Variants in PRKCH observed in about 807,000 individuals in gnomAD.
PRKCH encodes the protein protein kinase C eta, also known as protein kinase C eta type.
PRKCH carries 28 observed loss-of-function variants against 82.5 expected under a neutral mutation model. That is an observed-to-expected ratio of 0.34 (90% confidence interval 0.25 to 0.47). PRKCH has a LOEUF of 0.47. Among genes scored for constraint, PRKCH ranks in the 20% least tolerant of loss-of-function variants. The pLI is 1.00. For synonymous variants in PRKCH, 322 were observed against 327.4 expected (o/e 0.98, Z 0.18); for missense variants, 705 against 881.8 (o/e 0.80, Z 2.54).
chr14:61,386,268 A>G (rs2046585832), intron 1 of PRKCH, among the ~76,000 whole-genome samples: 1 of 152,218 alleles, frequency 6.6e-6, no homozygotes, highest in African/African-American at 2.4e-5. Context: ...TGCTGTGCTA[A>G]AGAATTTGGA....
chr14:61,477,412 T>C (rs185988244), intron 9 of PRKCH, among the ~76,000 whole-genome samples: 6 of 152,380 alleles, frequency 3.9e-5, no homozygotes, highest in Non-Finnish European at 7.3e-5. Flanking sequence ...CCTTGGTTTC[T>C]GGAATGATAC....
chr14:61,459,938 G>A (rs57447735), intron 9 of PRKCH, among the ~76,000 whole-genome samples: 13,013 of 152,210 alleles, frequency 0.085, 1,091 homozygotes, highest in African/African-American at 0.22. Context: ...CAAGCTCCCA[G>A]GCTAAAGCTA....
At chr14:61,450,457 A>T (rs1477702796) in intron 5 of PRKCH, among the ~76,000 whole-genome samples, 1 of 152,226 alleles carries the variant, frequency 6.6e-6, no homozygotes, top group Non-Finnish European at 1.5e-5. Flanking sequence ...ACTTACAGTG[A>T]TAGCAAGTAT....
intron 1 of PRKCH, among the ~76,000 whole-genome samples, chr14:61,308,670 C>G: frequency 6.6e-6 from 1 of 152,104 alleles, no homozygotes; most frequent in Admixed American, 6.6e-5. Flanking sequence ...GCTCCATTGC[C>G]CAGGCTTGAG....
intron 1 of PRKCH, among the ~76,000 whole-genome samples, chr14:61,263,567 T>G (rs370299560): frequency 6.6e-6 from 1 of 152,170 alleles, no homozygotes; most frequent in African/African-American, 2.4e-5. Context: ...ACCAATATAC[T>G]ACACTGCCTT....
intron 10 of PRKCH, among the ~76,000 whole-genome samples, chr14:61,510,859 C>T (rs1038234301): frequency 6.6e-6 from 1 of 152,072 alleles, no homozygotes; most frequent in African/African-American, 2.4e-5. Flanking sequence ...AGTCAGATGT[C>T]TTGAGAAAGG....
At chr14:61,487,625 A>G (rs1248799421) in intron 10 of PRKCH, among the ~76,000 whole-genome samples, 2 of 152,106 alleles carry the variant, frequency 1.3e-5, no homozygotes, top group African/African-American at 4.8e-5. Flanking sequence ...TTTAAAAACT[A>G]CATGTAAGTA....
chr14:61,514,334 G>T (rs1432613205), intron 10 of PRKCH, among the ~76,000 whole-genome samples: 1 of 122,024 alleles, frequency 8.2e-6, no homozygotes, highest in Non-Finnish European at 1.8e-5. Context: ...AAAAAAAAAA[G>T]GAACAAAGGT....
intron 1 of PRKCH, among the ~76,000 whole-genome samples, chr14:61,373,199 G>A (rs7147732): frequency 0.094 from 14,217 of 151,912 alleles, 826 homozygotes; most frequent in African/African-American, 0.1. Flanking sequence ...TTGAGACTGG[G>A]TAATCTATGA....
intron 2 of PRKCH, among the ~76,000 whole-genome samples, chr14:61,404,910 T>C (rs766464517): frequency 2.0e-5 from 3 of 151,530 alleles, no homozygotes; most frequent in Non-Finnish European, 2.9e-5. Flanking sequence ...CACATGGTTG[T>C]TGGCACAACT....
intron 1 of PRKCH, among the ~76,000 whole-genome samples, chr14:61,270,327 A>C (rs2045140474): frequency 6.6e-6 from 1 of 152,112 alleles, no homozygotes; most frequent in South Asian, 2.1e-4. Flanking sequence ...AAAAAGAAAA[A>C]AGACAATGAG....
At chr14:61,385,849 A>C (rs539283291) in intron 1 of PRKCH, among the ~76,000 whole-genome samples, 1 of 152,304 alleles carries the variant, frequency 6.6e-6, no homozygotes, top group African/African-American at 2.4e-5. Flanking sequence ...CTACAACATG[A>C]TGTGGGTTCC....
intron 1 of PRKCH, among the ~76,000 whole-genome samples, chr14:61,269,383 G>A (rs576016645): frequency 3.3e-5 from 5 of 152,176 alleles, no homozygotes; most frequent in African/African-American, 9.6e-5. Flanking sequence ...TAAGTTTTAA[G>A]TTCAGGGGTA....
chr14:61,449,293 T>C (rs371549038), intron 5 of PRKCH, 41 bp downstream of exon 5: 4 of 1,523,834 alleles, frequency 2.6e-6, no homozygotes, highest in Non-Finnish European at 2.7e-6. Flanking sequence ...TGCGTGTGTA[T>C]TGTGTATGCT....
intron 10 of PRKCH, among the ~76,000 whole-genome samples, chr14:61,491,622 G>T (rs1886451720): frequency 6.6e-6 from 1 of 152,172 alleles, no homozygotes; most frequent in Non-Finnish European, 1.5e-5. Flanking sequence ...CCTTCTTCAA[G>T]GATATGATGG....
At chr14:61,238,113 A>G (rs2044806452) in intron 1 of PRKCH, among the ~76,000 whole-genome samples, 1 of 152,252 alleles carries the variant, frequency 6.6e-6, no homozygotes, top group Non-Finnish European at 1.5e-5. Flanking sequence ...CCAAACTTAA[A>G]CTATGTAAGT....
At chr14:61,244,323 G>A (rs769338338) in intron 1 of PRKCH, among the ~76,000 whole-genome samples, 4 of 152,238 alleles carry the variant, frequency 2.6e-5, no homozygotes, top group South Asian at 2.1e-4. Context: ...CTGTCATGCC[G>A]ATTAACTGTA....
chr14:61,214,232 T>G (rs1340751372), intron 1 of PRKCH, among the ~76,000 whole-genome samples: 1 of 152,170 alleles, frequency 6.6e-6, no homozygotes, highest in Non-Finnish European at 1.5e-5. Context: ...GGCAGGGCCT[T>G]AAGAAATGTG....
intron 9 of PRKCH, among the ~76,000 whole-genome samples, chr14:61,473,684 G>A (rs1190550239): frequency 1.3e-5 from 2 of 152,156 alleles, no homozygotes; most frequent in Non-Finnish European, 2.9e-5. Context: ...CTCTTGGTAA[G>A]TGGAAACTAT....
Sources: allele counts gnomAD v4.1 joint callset (sites outside exome capture counted in the v4.1 genomes callset), GRCh38; gene constraint gnomAD v4.1.1; transcripts MANE v1.5; gene names NCBI Gene and HGNC (gene_info 2026-07-23, HGNC 2026-07-21).